TTC28: variants seen among roughly 807,000 people sequenced by gnomAD.
The protein encoded by TTC28 is tetratricopeptide repeat domain 28, also known as tetratricopeptide repeat protein 28.
In TTC28, 61 loss-of-function variants were observed where a neutral mutation model predicts 198.0. That is an observed-to-expected ratio of 0.31 (90% CI 0.25 to 0.38). The LOEUF is 0.38. Among genes scored for constraint, TTC28 ranks in the 10% least tolerant of loss-of-function variants. TTC28 has a pLI of 1.00. For missense variants in TTC28, 2,678 were observed against 3,164.0 expected (o/e 0.85, Z 3.69); for synonymous variants, 1,171 against 1,297.8 (o/e 0.90, Z 2.10).
intron 2 of TTC28, among the ~76,000 whole-genome samples, chr22:28,613,126 AC>A (rs1248321938): frequency 1.3e-5 from 2 of 152,192 alleles, no homozygotes; most frequent in African/African-American, 4.8e-5. Flanking sequence ...AATCAAAAAA[AC>A]ACAATAAAAA....
chr22:28,340,508 C>T (rs1490024226), intron 2 of TTC28, among the ~76,000 whole-genome samples: 1 of 151,126 alleles, frequency 6.6e-6, no homozygotes, highest in Non-Finnish European at 1.5e-5. Flanking sequence ...ATATAAAAAT[C>T]TTGGATAAGT....
chr22:28,311,564 T>C lies in TTC28; in HGVS notation c.382-4921A>G, dbSNP rs555489870. Among the ~76,000 whole-genome samples the C allele has an allele frequency of 3.7e-4, 57 of 152,266 alleles. 1 individual carries two copies. Among genetic ancestry groups the C allele is most frequent in the South Asian group, 6.2e-4 (3 of 4,832 alleles). ...TAGGTATATATATTTATGGGATACA[T>C]AAGATAGTTTAATACAAGCATACAA... On this transcript the variant is annotated intron_variant, in intron 2 of 22. Transcript: ENST00000397906.
chr22:28,608,477 C>T (rs186197139), intron 2 of TTC28, among the ~76,000 whole-genome samples: 242 of 152,300 alleles, frequency 1.6e-3, no homozygotes, highest in African/African-American at 5.8e-3. Context: ...CTGCCTGATG[C>T]AGCAATACAT....
intron 12 of TTC28, among the ~76,000 whole-genome samples, chr22:28,092,408 G>C (rs1310658894): frequency 6.6e-6 from 1 of 152,118 alleles, no homozygotes; most frequent in Non-Finnish European, 1.5e-5. Flanking sequence ...AGGGACAGTG[G>C]GGGGACTAAG....
intron 17 of TTC28, 116 bp from the exon 18 acceptor site, chr22:27,993,634 A>G (rs1937494358): frequency 1.9e-6 from 2 of 1,048,490 alleles, no homozygotes; most frequent in Admixed American, 2.8e-5. Flanking sequence ...GCAACCCCAC[A>G]TAGCCCACGT....
At chr22:28,285,330 T>C (rs76966069) in intron 5 of TTC28, among the ~76,000 whole-genome samples, 3,235 of 152,268 alleles carry the variant, frequency 0.021, 32 homozygotes, top group Non-Finnish European at 0.027. Context: ...TACATGAAAT[T>C]CCACTTATAT....
At chr22:28,153,743 G>C (rs1943672218) in intron 6 of TTC28, among the ~76,000 whole-genome samples, 1 of 152,120 alleles carries the variant, frequency 6.6e-6, no homozygotes, top group Non-Finnish European at 1.5e-5. Flanking sequence ...CACTAGTCTT[G>C]TTTCCCTTTT....
chr22:28,149,087 G>T (rs1186563518), intron 6 of TTC28, among the ~76,000 whole-genome samples: 2 of 152,190 alleles, frequency 1.3e-5, no homozygotes, highest in Non-Finnish European at 2.9e-5. Context: ...CACAAACCTA[G>T]ATGACATAGC....
chr22:28,510,624 C>T lies in TTC28; in HGVS notation c.381+118928G>A, dbSNP rs139009891. ...AACCAGCAGAAGACAAGGATGCCCC[C>T]TCTCCAACATAGTATTGGAAGTTCT... On this transcript the variant is annotated intron_variant, in intron 2 of 22. Transcript: ENST00000397906. Among the ~76,000 whole-genome samples the T allele has an allele frequency of 1.2e-4, 18 of 152,148 alleles. No individual in the cohort carries two copies. In the East Asian group the frequency reaches 3.5e-3, roughly 29 times the overall value.
At chr22:28,420,756 C>T (rs2047240421) in intron 2 of TTC28, among the ~76,000 whole-genome samples, 1 of 151,896 alleles carries the variant, frequency 6.6e-6, no homozygotes, top group East Asian at 1.9e-4. Context: ...TGCACTACCA[C>T]GCCCAGCTAA....
At chr22:28,121,763 C>T (rs184598857) in intron 6 of TTC28, among the ~76,000 whole-genome samples, 93 of 152,336 alleles carry the variant, frequency 6.1e-4, no homozygotes, top group African/African-American at 2.2e-3. Flanking sequence ...TATTTACCTT[C>T]CCAGCCTTTC....
Position 28,490,526 on chromosome 22 carries a change from G to A in TTC28, c.381+139026C>T, listed in dbSNP as rs117798362. On this transcript the variant is annotated intron_variant, in intron 2 of 22. Coordinates refer to ENST00000397906, the MANE Select transcript of TTC28 (RefSeq NM_001145418.2). ...GAGTAGAGAAGTACAAGCCTACGAC[G>A]TGCCCAGAATGAAAAGAACCAGAAA... is the stretch of plus-strand genomic sequence containing the variant. 3.5e-4 allele frequency among the ~76,000 whole-genome samples: 54 copies of A among 152,268 alleles called. No homozygotes were observed. The East Asian group carries it at 9.6e-3, about 27-fold the overall frequency.
intron 5 of TTC28, among the ~76,000 whole-genome samples, chr22:28,238,182 A>G (rs1320438254): frequency 6.6e-6 from 1 of 152,160 alleles, no homozygotes; most frequent in Non-Finnish European, 1.5e-5. Context: ...AAATATTTGT[A>G]TGCCCACTTT....
chr22:27,987,521 C>T (rs1007355467), intron 21 of TTC28, among the ~76,000 whole-genome samples: 1 of 152,018 alleles, frequency 6.6e-6, no homozygotes, highest in Non-Finnish European at 1.5e-5. Flanking sequence ...CACTTGAGCT[C>T]AGGAGCTGGA....
Position 28,081,081 on chromosome 22 carries a change from C to T in TTC28, c.3932+12999G>A, listed in dbSNP as rs993248679. 8.0e-5 allele frequency among the ~76,000 whole-genome samples: 12 copies of T among 150,870 alleles called. No individual in the cohort carries two copies. In the South Asian group the frequency reaches 1.0e-3, roughly 13 times the overall value. On this transcript the variant is annotated intron_variant, in intron 12 of 22. Coordinates refer to ENST00000397906, the MANE Select transcript of TTC28 (RefSeq NM_001145418.2). Reference sequence around the variant, plus strand: ...GTCAGTATCATATTGTTTTGATAACCGTAACATAGAAATACACATATGTAC... The same window carrying T: ...GTCAGTATCATATTGTTTTGATAACTGTAACATAGAAATACACATATGTAC...
At chr22:28,318,994 T>C (rs1452489621) in intron 2 of TTC28, among the ~76,000 whole-genome samples, 3 of 151,558 alleles carry the variant, frequency 2.0e-5, no homozygotes, top group African/African-American at 4.9e-5. Context: ...AATTTTTAAT[T>C]AAAAAAAATT....
intron 12 of TTC28, among the ~76,000 whole-genome samples, chr22:28,038,842 AT>A (rs1221424122): frequency 1.3e-5 from 2 of 152,230 alleles, no homozygotes; most frequent in Non-Finnish European, 2.9e-5. Context: ...AAACAACCCC[AT>A]CAAAAAGTGG....
intron 6 of TTC28, among the ~76,000 whole-genome samples, chr22:28,117,137 G>A (rs1431306551): frequency 9.2e-5 from 14 of 152,202 alleles, no homozygotes; most frequent in Non-Finnish European, 2.1e-4. Context: ...TTGAAGAGCT[G>A]AAGTGCAGTA....
chr22:28,402,524 T>C (rs1031103536), intron 2 of TTC28, among the ~76,000 whole-genome samples: 6 of 152,238 alleles, frequency 3.9e-5, no homozygotes, highest in Non-Finnish European at 7.3e-5. Flanking sequence ...TCTGGACTTC[T>C]ATACCTTAAA....
Sources: gnomAD v4.1 joint callset for allele counts (sites outside exome capture counted in the v4.1 genomes callset) on GRCh38, gnomAD v4.1.1 for gene constraint, MANE v1.5 for transcripts, NCBI Gene and HGNC (gene_info 2026-07-23, HGNC 2026-07-21) for gene names.